The following CDC42BPA variants were observed in gnomAD, a reference collection of about 807,000 sequenced individuals.
CDC42BPA encodes the protein serine/threonine-protein kinase MRCK alpha.
A neutral mutation model predicts 223.5 loss-of-function variants in CDC42BPA; 80 were observed. The observed-to-expected ratio is 0.36, with a 90% CI of 0.30 to 0.43. CDC42BPA has a LOEUF of 0.43. CDC42BPA is among the 20% of genes least tolerant of loss of function. The pLI is 1.00. For synonymous variants in CDC42BPA, 694 were observed against 718.6 expected, an observed-to-expected ratio of 0.97 and a Z score of 0.55; for missense variants, 1,743 against 2,099.9, an observed-to-expected ratio of 0.83 and a Z score of 3.32.
chr1:227,188,678 T>C (rs764360255), intron 5 of CDC42BPA, among the ~76,000 whole-genome samples: 9 of 152,154 alleles, frequency 5.9e-5, no homozygotes, highest in South Asian at 2.1e-4. Flanking sequence ...AGATCAGTCA[T>C]GTCCAGGGGT....
chr1:227,264,855 A>G, intron 1 of CDC42BPA: 1 of 1,530,854 alleles, frequency 6.5e-7, no homozygotes, highest in Non-Finnish European at 9.0e-7. Context: ...CCTTCAGGTA[A>G]GTCTGGAACT....
rs534698677 is a variant in CDC42BPA, at chr1:227,188,139, A to G, written c.599+5647T>C. Among the ~76,000 whole-genome samples, 13 of 152,298 alleles carry G rather than the reference A, an allele frequency of 8.5e-5. No homozygotes were observed. The South Asian group carries it at 2.3e-3, about 27-fold the overall frequency. ...TTTACCTTTTATTTTTAATTAGTCTAAAAGATAACAGTTTGATCAAAAGAA... is the reference window on the plus strand; with the variant it reads ...TTTACCTTTTATTTTTAATTAGTCTGAAAGATAACAGTTTGATCAAAAGAA... On this transcript the variant is annotated intron_variant, in intron 5 of 36. Transcript: ENST00000366766.
At chr1:227,005,767 T>C (rs1663895242) in intron 34 of CDC42BPA, among the ~76,000 whole-genome samples, 2 of 152,252 alleles carry the variant, frequency 1.3e-5, no homozygotes. Context: ...CAGGTTTATA[T>C]ACATTTACTT....
intron 2 of CDC42BPA, among the ~76,000 whole-genome samples, chr1:227,231,828 GTTGT>G (rs766700911): frequency 6.6e-5 from 10 of 152,282 alleles, no homozygotes; most frequent in South Asian, 2.1e-4. Flanking sequence ...TTTTGATGGG[GTTGT>G]TTGATTTTTT....
rs200292265 is a variant in CDC42BPA at position 226,994,244 on chromosome 1, G to A, written c.*24C>T. ...AGGCGAGTGGCAGGGAGCGGAGAGC[G>A]AGAGGTCCCAGTGCTGAGGCAGCTC... On this transcript the variant is annotated 3_prime_UTR_variant, in exon 37 of 37. Coordinates refer to ENST00000366766, the MANE Select transcript of CDC42BPA (RefSeq NM_001394014.1). The surrounding 1 kb of genome is among the most constrained non-coding windows in gnomAD (Gnocchi z 4.0). 8.4e-6 allele frequency: 13 copies of A among 1,556,676 alleles called. No homozygotes were observed. The highest frequency in any genetic ancestry group is 7.8e-6 in the Non-Finnish European group (9 of 1,148,780).
intron 35 of CDC42BPA, among the ~76,000 whole-genome samples, 165 bp from the exon 36 acceptor site, chr1:226,995,145 C>T (rs927101091): frequency 6.6e-6 from 1 of 152,190 alleles, no homozygotes; most frequent in African/African-American, 2.4e-5. Flanking sequence ...AGCTCAACCC[C>T]GAATCCAGCA....
intron 1 of CDC42BPA, among the ~76,000 whole-genome samples, chr1:227,273,696 G>A (rs1686374622): frequency 6.6e-6 from 1 of 151,958 alleles, no homozygotes; most frequent in Non-Finnish European, 1.5e-5. Flanking sequence ...ATATGTGGGT[G>A]GGACTGAGAC....
chr1:227,110,508 G>T, intron 14 of CDC42BPA, among the ~76,000 whole-genome samples: 1 of 152,108 alleles, frequency 6.6e-6, no homozygotes, highest in East Asian at 1.9e-4. Flanking sequence ...GTGAATGAAA[G>T]TTAGAAAACC....
At chr1:227,021,923 G>A (rs991595387) in intron 32 of CDC42BPA, among the ~76,000 whole-genome samples, 3 of 152,018 alleles carry the variant, frequency 2.0e-5, no homozygotes, top group Non-Finnish European at 2.9e-5. Flanking sequence ...AGGAGGCTGA[G>A]GCAGGAGAAT....
intron 1 of CDC42BPA, among the ~76,000 whole-genome samples, chr1:227,295,173 A>G (rs368084953): frequency 6.6e-6 from 1 of 152,100 alleles, no homozygotes; most frequent in African/African-American, 2.4e-5. Context: ...TATGAAATAT[A>G]ATTTTTTCTT....
chr1:227,129,008 T>A, intron 11 of CDC42BPA, 101 bp downstream of exon 11: 1 of 793,130 alleles, frequency 1.3e-6, no homozygotes, highest in Non-Finnish European at 2.0e-6. Flanking sequence ...GCAACTCACA[T>A]CACATAACAC....
chr1:227,253,646 ACATT>A (rs1297125019), intron 2 of CDC42BPA, among the ~76,000 whole-genome samples: 1,542 of 116,812 alleles, frequency 0.013, 39 homozygotes, highest in African/African-American at 0.048. Flanking sequence ...ATACATACAT[ACATT>A]CATACATAAA....
rs1423238334 is a variant in CDC42BPA at position 227,317,858 on chromosome 1, CTTCT to C, written c.-680_-677del. The C allele has an allele frequency of 5.0e-6, 2 of 398,634 alleles. No homozygotes were observed. The highest frequency in any genetic ancestry group is 4.4e-5 in the Admixed American group (1 of 22,726). 24.7% of individuals were successfully genotyped at this position (398,634 alleles called of 1,614,324 possible). A position where few individuals can be genotyped will look rare whatever the true frequency, so the allele number is the denominator to read the frequency against. ...GCTTTTCGTTTCTCCTCCCGAGGTC[CTTCT>C]TTCTTTAAGGCTTTGCAGTCAGTCC... On this transcript the variant is annotated 5_prime_UTR_variant, in exon 1 of 37. Transcript: ENST00000366766.
intron 5 of CDC42BPA, among the ~76,000 whole-genome samples, chr1:227,168,296 G>A (rs1665412188): frequency 6.6e-6 from 1 of 151,846 alleles, no homozygotes; most frequent in Admixed American, 6.6e-5. Flanking sequence ...ATTTTCACTG[G>A]ATATATAGAA....
intron 1 of CDC42BPA, among the ~76,000 whole-genome samples, chr1:227,270,147 T>C (rs1272343404): frequency 6.6e-6 from 1 of 152,128 alleles, no homozygotes; most frequent in African/African-American, 2.4e-5. Flanking sequence ...CATGAATTAA[T>C]AGAAACATCT....
intron 5 of CDC42BPA, among the ~76,000 whole-genome samples, chr1:227,181,018 A>T (rs1384503884): frequency 6.6e-6 from 1 of 152,192 alleles, no homozygotes; most frequent in African/African-American, 2.4e-5. Flanking sequence ...AAGTCATTAG[A>T]AATAACCTCT....
intron 1 of CDC42BPA, among the ~76,000 whole-genome samples, chr1:227,310,674 G>GT (rs34491074): frequency 0.21 from 30,874 of 143,662 alleles, 3,533 homozygotes; most frequent in African/African-American, 0.29. Flanking sequence ...TTGGAAAGGA[G>GT]TTTTTTTTTT....
rs757348849 is a variant in CDC42BPA, at chr1:226,994,309, G to A, written c.5224C>T (p.Leu1742Phe). ...CCGCGGTCAGTGCTCTCCAGGGAGA[G>A]GCTCTTGGTTTTTCGGGGTGAAGCT... ...SPASPRKTKSLSLESTDRGSW... is the reference protein window; with the variant it reads ...SPASPRKTKSFSLESTDRGSW... Residue 1742 changes from leucine to phenylalanine, a missense_variant, in exon 37 of 37, where the codon CTC becomes TTC. Around this residue, in one of 6 missense-constraint regions of CDC42BPA, gnomAD observed 200 missense variants for 192.8 expected, o/e 1.04. Transcript: ENST00000366766. This position sits in a 1 kb window ranked among gnomAD's most constrained non-coding sequence, Gnocchi z 4.0. 1.3e-6 allele frequency: 2 copies of A among 1,597,480 alleles called. No homozygotes were observed. The highest frequency in any genetic ancestry group is 4.5e-5 in the East Asian group (2 of 44,424).
intron 5 of CDC42BPA, among the ~76,000 whole-genome samples, chr1:227,162,864 A>ATGTGTGTGTGTGTGTG (rs1261183207): frequency 0.036 from 930 of 26,144 alleles, 6 homozygotes; most frequent in Non-Finnish European, 0.05. Context: ...TAAAATAAAT[A>ATGTGTGTGTGTGTGTG]TATATGTGTG....
Sources: allele counts gnomAD v4.1 joint callset (sites outside exome capture counted in the v4.1 genomes callset), GRCh38; gene constraint gnomAD v4.1.1; regional missense constraint gnomAD v4.1.1; non-coding constraint Gnocchi (gnomAD v3.1); transcripts MANE v1.5; gene names NCBI Gene and HGNC (gene_info 2026-07-23, HGNC 2026-07-21).